PTPA: variants seen among roughly 807,000 people sequenced by gnomAD.
PTPA encodes the protein protein phosphatase 2 phosphatase activator, also known as serine/threonine-protein phosphatase 2A activator.
PTPA carries 13 observed loss-of-function variants against 43.6 expected under a neutral mutation model. The observed-to-expected ratio is 0.30, with a 90% CI of 0.19 to 0.47. The LOEUF is 0.47. Among genes scored for constraint, PTPA ranks in the 20% least tolerant of loss-of-function variants. The pLI, the probability that PTPA is intolerant of heterozygous loss-of-function variation, is 0.99. For synonymous variants in PTPA, 172 were observed against 158.2 expected (o/e 1.09, Z -0.66); for missense variants, 329 against 411.9 (o/e 0.80, Z 1.74).
intron 3 of PTPA, among the ~76,000 whole-genome samples, chr9:129,127,701 C>T (rs1450680102): frequency 6.6e-6 from 1 of 152,166 alleles, no homozygotes; most frequent in African/African-American, 2.4e-5. Context: ...ACTTCTTGGT[C>T]CCTGTCTTCT....
intron 8 of PTPA, among the ~76,000 whole-genome samples, chr9:129,141,320 C>T (rs558897686): frequency 1.5e-4 from 23 of 152,174 alleles, no homozygotes; most frequent in Middle Eastern, 3.4e-3. Flanking sequence ...TCTGGCTTAT[C>T]TTTTCTCCTT....
Position 129,142,338 on chromosome 9 carries a change from T to TGTGTG in PTPA, c.787-107_787-106insGTGTG, listed in dbSNP as rs1564202369. ...GCGCGTGCATTGTGTGCGTGTGCGT[T>TGTGTG]TGTGTGTGTGTGTGTGTGCATGCAT... is the stretch of plus-strand genomic sequence containing the variant. On this transcript the variant is annotated intron_variant, in intron 8 of 9. Coordinates refer to ENST00000393370, the MANE Select transcript of PTPA (RefSeq NM_178000.3). 4 of 794,710 alleles carry TGTGTG rather than the reference T, an allele frequency of 5.0e-6. No homozygotes were observed. The African/African-American group carries it at 6.9e-5, about 14-fold the overall frequency. 49.2% of individuals were successfully genotyped at this position (794,710 alleles called of 1,614,324 possible).
chr9:129,120,545 A>G lies in PTPA; in HGVS notation c.64A>G (p.Asn22Asp). 6.2e-7 allele frequency: 1 copy of G among 1,602,018 alleles called. No homozygotes were observed. The highest frequency in any genetic ancestry group is 8.5e-7 in the Non-Finnish European group (1 of 1,174,150). The change falls in exon 2 of 10, where the codon AAC becomes GAC. Residue 22 changes from asparagine to aspartate, a missense_variant. By Grantham distance (23) the Asn-to-Asp change is conservative. Transcript: ENST00000393370. The stretch of plus-strand genomic sequence containing the variant: ...AGAGGAGGCCCCTCCAGCCACTCAG[A>G]ACTTCATCATTCCAAAAAAGGAGAT... ...SSEEAPPATQNFIIPKKEIHT... is the reference protein window; with the variant it reads ...SSEEAPPATQDFIIPKKEIHT...
intron 8 of PTPA, chr9:129,139,499 TAGG>T (rs1850613976): frequency 6.6e-6 from 1 of 152,158 alleles, no homozygotes; most frequent in Non-Finnish European, 1.5e-5. Context: ...CAGTAGACCC[TAGG>T]AGGAGTGTGC....
intron 6 of PTPA, among the ~76,000 whole-genome samples, chr9:129,136,004 G>C (rs893513616): frequency 6.6e-6 from 1 of 152,152 alleles, no homozygotes; most frequent in Non-Finnish European, 1.5e-5. Context: ...GTCTTGCTCT[G>C]TCGCCCAGGC....
chr9:129,147,562 C>A lies in PTPA; in HGVS notation c.*98C>A. On this transcript the variant is annotated 3_prime_UTR_variant, in exon 10 of 10. Transcript: ENST00000393370. ...CCCCATCCCCTCCCTCTGTTCGTCC[C>A]GTTTGATGAGAGGCTGTTTACTGGG... The A allele has an allele frequency of 7.7e-7, 1 of 1,299,954 alleles. No homozygotes were observed. The highest frequency in any genetic ancestry group is 1.1e-6 in the Non-Finnish European group (1 of 925,346). The allele number at this position is 1,299,954 out of a possible 1,614,324, so 80.5% of individuals were successfully genotyped here.
intron 9 of PTPA, among the ~76,000 whole-genome samples, chr9:129,144,877 A>G (rs1851192266): frequency 1.3e-5 from 2 of 152,292 alleles, no homozygotes; most frequent in South Asian, 4.1e-4. Flanking sequence ...TACTAAAAAT[A>G]TAAAAATTAG....
chr9:129,129,660 G>C (rs183687032), intron 4 of PTPA, among the ~76,000 whole-genome samples: 2 of 151,828 alleles, frequency 1.3e-5, no homozygotes, highest in South Asian at 2.1e-4. Context: ...TCGTAGAGAC[G>C]GGGTTTCACC....
At chr9:129,127,258 C>T (rs1448908638) in intron 3 of PTPA, among the ~76,000 whole-genome samples, 1 of 152,196 alleles carries the variant, frequency 6.6e-6, no homozygotes, top group Non-Finnish European at 1.5e-5. Context: ...TTCACATATG[C>T]AGCTGGGGGC....
intron 9 of PTPA, chr9:129,142,984 A>T (rs1304359146): frequency 6.1e-6 from 8 of 1,315,336 alleles, no homozygotes; most frequent in Non-Finnish European, 8.1e-6. Flanking sequence ...GTTAGTGTGT[A>T]TGATCACTGA....
intron 8 of PTPA, 117 bp downstream of exon 8, chr9:129,137,809 G>A (rs761138739): frequency 4.8e-5 from 45 of 940,068 alleles, no homozygotes; most frequent in South Asian, 2.4e-4. Context: ...TGGCAGGGCC[G>A]GCCGGAGCGG....
rs189996386 is a variant in PTPA at position 129,132,279 on chromosome 9, C to T, written c.460+640C>T. Among the ~76,000 whole-genome samples the T allele has an allele frequency of 1.2e-4, 18 of 152,048 alleles. No homozygotes were observed. In the East Asian group the frequency reaches 2.7e-3, roughly 23 times the overall value. On this transcript the variant is annotated intron_variant, in intron 5 of 9. Transcript: ENST00000393370. ...AGGAGTTTAAGACCAGCCTAGGCAACGTAGCAAGACTCCATCTCTTTTTTA... is the reference window on the plus strand; with the variant it reads ...AGGAGTTTAAGACCAGCCTAGGCAATGTAGCAAGACTCCATCTCTTTTTTA...
intron 2 of PTPA, among the ~76,000 whole-genome samples, chr9:129,121,912 G>A (rs767585313): frequency 2.0e-5 from 3 of 152,194 alleles, no homozygotes; most frequent in African/African-American, 4.8e-5. Context: ...GTCATCCCAT[G>A]GCTGGCAGGA....
At chr9:129,121,677 C>T (rs1338054100) in intron 2 of PTPA, among the ~76,000 whole-genome samples, 2 of 152,260 alleles carry the variant, frequency 1.3e-5, no homozygotes, top group African/African-American at 4.8e-5. Context: ...ATGTTGGCAG[C>T]ATGCCTTTCC....
At chr9:129,146,141 G>T (rs1287945533) in intron 9 of PTPA, among the ~76,000 whole-genome samples, 1 of 152,142 alleles carries the variant, frequency 6.6e-6, no homozygotes, top group Non-Finnish European at 1.5e-5. Context: ...CTTCTGGGAT[G>T]ACATAAGCAC....
intron 1 of PTPA, among the ~76,000 whole-genome samples, chr9:129,117,072 T>C (rs1848926018): frequency 6.6e-6 from 1 of 152,240 alleles, no homozygotes; most frequent in African/African-American, 2.4e-5. Context: ...TAATTTTTTT[T>C]TGTTTTCAAG....
At chr9:129,118,381 T>A (rs111352119) in intron 1 of PTPA, among the ~76,000 whole-genome samples, 17 of 151,174 alleles carry the variant, frequency 1.1e-4, no homozygotes, top group African/African-American at 1.7e-4. Flanking sequence ...TAATAAAAAA[T>A]TTTTTTATTT....
chr9:129,144,406 C>T (rs1050303657), intron 9 of PTPA, among the ~76,000 whole-genome samples: 3 of 152,068 alleles, frequency 2.0e-5, no homozygotes, highest in African/African-American at 4.8e-5. Flanking sequence ...AGGGGACAGG[C>T]TCCTGTATAG....
upstream of PTPA, chr9:129,111,384 C>A (rs918781726): frequency 2.4e-4 from 290 of 1,233,732 alleles, no homozygotes; most frequent in Middle Eastern, 1.2e-3. Flanking sequence ...GCGCGCCGGC[C>A]GTTAATAGGC....
Sources: allele counts gnomAD v4.1 joint callset (sites outside exome capture counted in the v4.1 genomes callset), GRCh38; gene constraint gnomAD v4.1.1; transcripts MANE v1.5; gene names NCBI Gene and HGNC (gene_info 2026-07-23, HGNC 2026-07-21).